Variants in ARSB observed in about 807,000 individuals in gnomAD.
The protein encoded by ARSB is N-acetylgalactosamine-4-sulfatase.
ARSB carries 41 observed loss-of-function variants against 50.9 expected under a neutral mutation model. The observed-to-expected ratio is 0.81, with a 90% confidence interval of 0.63 to 1.04. ARSB has a LOEUF of 1.04. Among genes scored for constraint, ARSB ranks in the 50% least tolerant of loss-of-function variants. The probability of loss-of-function intolerance (pLI) is 0.00; values close to 1 mark genes in which losing one functional copy is unlikely to be tolerated. For synonymous variants in ARSB, 269 were observed against 284.8 expected, an observed-to-expected ratio of 0.94 and a Z score of 0.56; for missense variants, 672 against 693.3, an observed-to-expected ratio of 0.97 and a Z score of 0.35.
intron 1 of ARSB, among the ~76,000 whole-genome samples, chr5:78,975,362 G>A (rs187220183): frequency 1.9e-3 from 291 of 152,336 alleles, no homozygotes; most frequent in African/African-American, 6.4e-3. Context: ...AATTACCCAC[G>A]ATGCTCCAGC....
At chr5:78,902,280 G>GAC (rs1208434820) in intron 4 of ARSB, among the ~76,000 whole-genome samples, 13 of 152,314 alleles carry the variant, frequency 8.5e-5, no homozygotes, top group African/African-American at 2.9e-4. Flanking sequence ...AGGACAGAAG[G>GAC]ATTCGGTTTC....
At chr5:78,928,474 C>A (rs925668640) in intron 4 of ARSB, among the ~76,000 whole-genome samples, 1 of 152,012 alleles carries the variant, frequency 6.6e-6, no homozygotes, top group Non-Finnish European at 1.5e-5. Context: ...ACCACCACAT[C>A]TGGCTAATTT....
intron 4 of ARSB, among the ~76,000 whole-genome samples, chr5:78,911,443 G>A (rs10942879): frequency 0.51 from 77,295 of 151,012 alleles, 19,979 homozygotes; most frequent in Middle Eastern, 0.6. Flanking sequence ...GTGTGGTGGT[G>A]CACGCCTGTA....
At chr5:78,903,712 T>G (rs1748903814) in intron 4 of ARSB, among the ~76,000 whole-genome samples, 2 of 152,240 alleles carry the variant, frequency 1.3e-5, no homozygotes, top group Admixed American at 6.5e-5. Flanking sequence ...TTATTCCATT[T>G]TTGGCTTCCT....
intron 4 of ARSB, among the ~76,000 whole-genome samples, chr5:78,949,828 T>G (rs1362588375): frequency 1.3e-5 from 2 of 152,144 alleles, no homozygotes; most frequent in Non-Finnish European, 2.9e-5. Flanking sequence ...GAGAATCACT[T>G]GAACCCGGGA....
At position 78,779,865 on chromosome 5, in the gene ARSB, C is replaced by G. The variant is rs1452516611; in HGVS notation, c.*532G>C. On this transcript the variant is annotated 3_prime_UTR_variant, in exon 8 of 8. Transcript: ENST00000264914. Reference sequence around the variant, plus strand: ...CCTGAACAACAAAATGGGCCTTATGCTCTGTGATGAGATAAGTGAGTAAGG... The same window carrying G: ...CCTGAACAACAAAATGGGCCTTATGGTCTGTGATGAGATAAGTGAGTAAGG... The G allele has an allele frequency of 1.2e-5, 2 of 167,396 alleles. No individual in the cohort carries two copies. The highest frequency in any genetic ancestry group is 1.1e-4 in the Admixed American group (2 of 17,540). The allele number at this position is 167,396 out of a possible 1,614,324, so 10.4% of individuals were successfully genotyped here.
At position 78,781,868 on chromosome 5, in the gene ARSB, G is replaced by A. The variant is rs956246041; in HGVS notation, c.1320C>T (p.Leu440=). The A allele has an allele frequency of 6.2e-7, 1 of 1,614,118 alleles. No homozygotes were observed. The highest frequency in any genetic ancestry group is 1.3e-5 in the African/African-American group (1 of 75,044). Residue 440 remains leucine (L), a synonymous_variant, in exon 7 of 8, where the codon CTC becomes CTT. Coordinates refer to ENST00000264914, the MANE Select transcript of ARSB (RefSeq NM_000046.5). ...GGACTCTACCTGGGTAGCCCGTGAG[G>A]AGTTTCCAATTTCCATGTCTAATTG... ...HAAIRHGNWK[L]LTGYPGCGYW...
intron 4 of ARSB, 90 bp from the exon 5 acceptor site, chr5:78,885,917 G>A: frequency 6.3e-7 from 1 of 1,582,156 alleles, no homozygotes; most frequent in Non-Finnish European, 8.6e-7. Flanking sequence ...TTACTAAATG[G>A]TGCTTAAATA....
chr5:78,786,199 G>T (rs1427325441), intron 6 of ARSB, among the ~76,000 whole-genome samples: 2 of 152,130 alleles, frequency 1.3e-5, no homozygotes, highest in Middle Eastern at 3.2e-3. Flanking sequence ...CCCACTTTGT[G>T]CTCTGGATTT....
At chr5:78,867,476 C>T (rs1176914813) in intron 5 of ARSB, among the ~76,000 whole-genome samples, 3 of 152,222 alleles carry the variant, frequency 2.0e-5, no homozygotes, top group African/African-American at 4.8e-5. Flanking sequence ...GATCTGAGAA[C>T]GGGTAGACTG....
chr5:78,967,735 T>C (rs1034683428), intron 2 of ARSB, among the ~76,000 whole-genome samples: 3 of 151,878 alleles, frequency 2.0e-5, no homozygotes, highest in Admixed American at 6.6e-5. Context: ...CCTAGAGCCA[T>C]GCAACTTTTC....
chr5:78,790,787 C>G (rs1477830858), intron 6 of ARSB, among the ~76,000 whole-genome samples: 1 of 151,890 alleles, frequency 6.6e-6, no homozygotes, highest in Non-Finnish European at 1.5e-5. Context: ...GGAAAGGAGG[C>G]AAAAATCACT....
intron 6 of ARSB, among the ~76,000 whole-genome samples, chr5:78,834,178 G>C (rs1744825096): frequency 6.6e-6 from 1 of 152,144 alleles, no homozygotes; most frequent in Non-Finnish European, 1.5e-5. Flanking sequence ...AAAAGATAGA[G>C]ACCCTATTCT....
chr5:78,928,305 C>CTTTTTT (rs34737292), intron 4 of ARSB, among the ~76,000 whole-genome samples: 30 of 72,586 alleles, frequency 4.1e-4, no homozygotes, highest in Middle Eastern at 0.013. Context: ...TTTGCTTTTG[C>CTTTTTT]TTTTTTTTTT....
intron 1 of ARSB, among the ~76,000 whole-genome samples, chr5:78,969,773 T>C (rs1054820142): frequency 6.6e-6 from 1 of 152,058 alleles, no homozygotes; most frequent in African/African-American, 2.4e-5. Flanking sequence ...CCCACCACCA[T>C]ACCTAACTAA....
chr5:78,949,415 G>GA (rs1391845981), intron 4 of ARSB, among the ~76,000 whole-genome samples: 2 of 152,122 alleles, frequency 1.3e-5, no homozygotes, highest in Non-Finnish European at 2.9e-5. Flanking sequence ...AGAGAAGTGG[G>GA]AAAAAATGAA....
rs932761237 is a variant in ARSB, at chr5:78,885,763, C to T, written c.963G>A (p.Leu321=). The change falls in exon 5 of 8, where the codon CTG becomes CTA. Residue 321 remains leucine (L), a synonymous_variant. Coordinates refer to ENST00000264914, the MANE Select transcript of ARSB (RefSeq NM_000046.5). ...CCACCCCTCGGACGCCTCCTTCCCACAGGCTCCATTTTCTTCCTCGAAGGG... is the reference window on the plus strand; with the variant it reads ...CCACCCCTCGGACGCCTCCTTCCCATAGGCTCCATTTTCTTCCTCGAAGGG... ...NWPLRGRKWS[L]WEGGVRGVGF... is the part of the protein sequence containing the mutation. The T allele has an allele frequency of 1.2e-5, 19 of 1,614,072 alleles. No homozygotes were observed. The highest frequency in any genetic ancestry group is 1.6e-5 in the Non-Finnish European group (19 of 1,180,046).
At chr5:78,871,001 A>G (rs970724725) in intron 5 of ARSB, among the ~76,000 whole-genome samples, 75 of 151,696 alleles carry the variant, frequency 4.9e-4, no homozygotes, top group African/African-American at 1.7e-3. Flanking sequence ...AAAAATCACA[A>G]GCATTCCTAT....
Position 78,969,158 on chromosome 5 carries a change from G to T in ARSB, c.347C>A (p.Pro116His), listed in dbSNP as rs775780931. ...CAGAGGAACACAGCTGGGCTGACAGGGCCAGATTATTTGGTGCTGTAAACC... is the reference window on the plus strand; with the variant it reads ...CAGAGGAACACAGCTGGGCTGACAGTGCCAGATTATTTGGTGCTGTAAACC... ...RTGLQHQIIW[P>H]CQPSCVPLDE... is the part of the protein sequence containing the mutation. The change falls in exon 2 of 8, where the codon CCC (proline) becomes CAC (histidine). Residue 116 changes from proline to histidine, a missense_variant. By Grantham distance (77) the Pro-to-His change is moderately conservative (BLOSUM62 -2). Transcript: ENST00000264914. 6.2e-7 allele frequency: 1 copy of T among 1,614,102 alleles called. No homozygotes were observed. The highest frequency in any genetic ancestry group is 8.5e-7 in the Non-Finnish European group (1 of 1,180,030).
Sources: allele counts gnomAD v4.1 joint callset (sites outside exome capture counted in the v4.1 genomes callset), GRCh38; gene constraint gnomAD v4.1.1; transcripts MANE v1.5; gene names NCBI Gene and HGNC (gene_info 2026-07-23, HGNC 2026-07-21).